Variants in NUMBL observed in about 807,000 individuals in gnomAD.
The protein encoded by NUMBL is NUMB like endocytic adaptor protein, also known as numb-like protein.
Under a neutral mutation model 48.9 loss-of-function variants are expected in NUMBL, and 20 were observed. The ratio of observed to expected loss-of-function variants is 0.41; its 90% CI spans 0.29 to 0.59. The LOEUF is 0.59. NUMBL is among the 20% of genes least tolerant of loss of function. The probability of loss-of-function intolerance (pLI) is 0.31; values close to 1 mark genes in which losing one functional copy is unlikely to be tolerated. For missense variants in NUMBL, 660 were observed against 846.2 expected (o/e 0.78, Z 2.73); for synonymous variants, 340 against 348.7 (o/e 0.98, Z 0.28).
chr19:40,673,528 G>A lies in NUMBL; in HGVS notation c.852C>T (p.Gly284=). 1 of 1,561,262 alleles carries A rather than the reference G, an allele frequency of 6.4e-7. No homozygotes were observed. The highest frequency in any genetic ancestry group is 8.7e-7 in the Non-Finnish European group (1 of 1,152,962). ...KGEAGTPVAA[G]TTAAAIPRRH... The stretch of plus-strand genomic sequence containing the variant: ...GCCGGGGGATGGCGGCCGCAGTGGT[G>A]CCTGCAGCCACAGGGGTGCCTGCCT... The change falls in exon 8 of 10, where the codon GGC becomes GGT. Residue 284 remains glycine (G), a synonymous_variant. Coordinates refer to ENST00000252891, the MANE Select transcript of NUMBL (RefSeq NM_004756.5). The surrounding 1 kb of genome is among the most constrained non-coding windows in gnomAD (Gnocchi z 5.9).
At chr19:40,668,280 C>A in intron 9 of NUMBL, 142 bp from the exon 10 acceptor site, 1 of 1,391,142 alleles carries the variant, frequency 7.2e-7, no homozygotes, top group East Asian at 2.5e-5. Context: ...CTCTGCACCT[C>A]CCGAGCTTGC....
At chr19:40,668,501 C>T (rs189653560) in intron 9 of NUMBL, among the ~76,000 whole-genome samples, 7 of 152,306 alleles carry the variant, frequency 4.6e-5, no homozygotes, top group Non-Finnish European at 7.4e-5. Flanking sequence ...GAGAGTCTCA[C>T]TCTGTTGCCC....
In NUMBL at chr19:40,688,252, T is replaced by C. The variant is rs534913107; in HGVS notation, c.25-1257A>G. Among the ~76,000 whole-genome samples the C allele has an allele frequency of 6.6e-6, 1 of 152,350 alleles. No individual in the cohort carries two copies. Among genetic ancestry groups the C allele is most frequent in the African/African-American group, 2.4e-5 (1 of 41,566 alleles). ...CAGCGAAACATATAGCCTTTCTTCA[T>C]GCAGGCACACAAGTCACACAGACAA... On this transcript the variant is annotated intron_variant, in intron 1 of 9. Transcript: ENST00000252891. The surrounding 1 kb of genome is among the most constrained non-coding windows in gnomAD (Gnocchi z 4.6).
chr19:40,674,141 G>A (rs994728679), intron 7 of NUMBL, among the ~76,000 whole-genome samples: 1 of 152,154 alleles, frequency 6.6e-6, no homozygotes, highest in African/African-American at 2.4e-5. Context: ...CTACTGCTAG[G>A]AAGGGGCAGG....
At chr19:40,685,865 G>A (rs1487078795) in intron 2 of NUMBL, 1 of 153,202 alleles carries the variant, frequency 6.5e-6, no homozygotes, top group East Asian at 1.9e-4. Flanking sequence ...TTAGAGTGTG[G>A]GTGTGTGGGT....
At position 40,666,670 on chromosome 19, in the gene NUMBL, C is replaced by G. The variant is rs1470051944; in HGVS notation, c.*798G>C. 1 of 152,660 alleles carries G rather than the reference C, an allele frequency of 6.6e-6. No individual in the cohort carries two copies. Among genetic ancestry groups the G allele is most frequent in the Non-Finnish European group, 1.5e-5 (1 of 68,060 alleles). The allele number at this position is 152,660 out of a possible 1,614,324, so 9.5% of individuals were successfully genotyped here. On this transcript the variant is annotated 3_prime_UTR_variant, in exon 10 of 10. Transcript: ENST00000252891. ...GCCTCACCAGCGCCCTACACACACC[C>G]TCGTTTCCCGAGGGGCACCATTATA...
In NUMBL at chr19:40,667,133, C is replaced by G; in HGVS notation, c.*335G>C. 3.0e-6 allele frequency: 1 copy of G among 330,840 alleles called. No homozygotes were observed. The highest frequency in any genetic ancestry group is 5.7e-6 in the Non-Finnish European group (1 of 174,468). 20.5% of individuals were successfully genotyped at this position (330,840 alleles called of 1,614,324 possible). A position where few individuals can be genotyped will look rare whatever the true frequency, so the allele number is the denominator to read the frequency against. On this transcript the variant is annotated 3_prime_UTR_variant, in exon 10 of 10. Coordinates refer to ENST00000252891, the MANE Select transcript of NUMBL (RefSeq NM_004756.5). The surrounding 1 kb of genome is among the most constrained non-coding windows in gnomAD (Gnocchi z 6.1). ...CTGTCCAACACTGGAAGGTGGGGGT[C>G]AACAGAAACTGGGAAATGGAGTGTG...
intron 5 of NUMBL, 131 bp from the exon 6 acceptor site, chr19:40,681,188 T>A: frequency 6.4e-6 from 6 of 934,416 alleles, no homozygotes; most frequent in Non-Finnish European, 9.9e-6. Flanking sequence ...AGACACCCTG[T>A]GCCTTGCCTG....
At chr19:40,684,357 C>G in intron 3 of NUMBL, 60 bp downstream of exon 3, 1 of 1,511,756 alleles carries the variant, frequency 6.6e-7, no homozygotes, top group African/African-American at 1.4e-5. Context: ...CGCACCCGCA[C>G]AGCACAGCAC....
Position 40,676,960 on chromosome 19 carries a change from G to A in NUMBL, c.730+272C>T, listed in dbSNP as rs144047766. Among the ~76,000 whole-genome samples the A allele has an allele frequency of 7.9e-3, 1,202 of 152,118 alleles. 13 individuals are homozygous for A. Among genetic ancestry groups the A allele is most frequent in the African/African-American group, 7.8e-3 (323 of 41,556 alleles). The stretch of plus-strand genomic sequence containing the variant: ...CTCCCAAGTAGTTGGGATTACAGGC[G>A]TAGGCCACCATGCCCAGTTAATTTT... On this transcript the variant is annotated intron_variant, in intron 7 of 9. Coordinates refer to ENST00000252891, the MANE Select transcript of NUMBL (RefSeq NM_004756.5).
At position 40,684,068 on chromosome 19, in the gene NUMBL, G is replaced by GTTTTTTT. The variant is rs10684015; in HGVS notation, c.249+342_249+348dup. 1.4e-4 allele frequency: 17 copies of GTTTTTTT among 125,192 alleles called. 1 individual carries two copies. Among genetic ancestry groups the GTTTTTTT allele is most frequent in the Non-Finnish European group, 1.9e-4 (12 of 64,264 alleles). The allele number at this position is 125,192 out of a possible 1,614,324, so 7.8% of individuals were successfully genotyped here. On this transcript the variant is annotated intron_variant, in intron 3 of 9. Transcript: ENST00000252891. The stretch of plus-strand genomic sequence containing the variant: ...GGTGTTAGCCACCACTACGCTTCAA[G>GTTTTTTT]TTTTTTTTTTTTTTTTTTTGAAACA...
Position 40,682,695 on chromosome 19 carries a change from G to A in NUMBL, c.399+33C>T. 6.2e-7 allele frequency: 1 copy of A among 1,605,054 alleles called. No homozygotes were observed. Among genetic ancestry groups the A allele is most frequent in the Non-Finnish European group, 8.5e-7 (1 of 1,173,502 alleles). ...TGATTCCAGCAGGGTGAGCAGACAGGCCCCCTGGCGTCCACCCCCACAGGC... is the reference window on the plus strand; with the variant it reads ...TGATTCCAGCAGGGTGAGCAGACAGACCCCCTGGCGTCCACCCCCACAGGC... On this transcript the variant is annotated intron_variant, in intron 5 of 9. Coordinates refer to ENST00000252891, the MANE Select transcript of NUMBL (RefSeq NM_004756.5). The surrounding 1 kb of genome is among the most constrained non-coding windows in gnomAD (Gnocchi z 4.0).
At chr19:40,674,391 T>C (rs374594394) in intron 7 of NUMBL, among the ~76,000 whole-genome samples, 76 of 152,268 alleles carry the variant, frequency 5.0e-4, no homozygotes, top group African/African-American at 1.7e-3. Context: ...CCCTCCACTC[T>C]GAGACTGTTC....
rs375867164 is a variant in NUMBL, at chr19:40,667,821, C to T, written c.1477G>A (p.Ala493Thr). 199 of 1,587,386 alleles carry T rather than the reference C, an allele frequency of 1.3e-4. No individual in the cohort carries two copies. Among genetic ancestry groups the T allele is most frequent in the Non-Finnish European group, 9.8e-5 (114 of 1,167,384 alleles). Residue 493 changes from alanine to threonine, a missense_variant, in exon 10 of 10, where the codon GCC (alanine) becomes ACC (threonine). Ala to Thr is a moderately conservative substitution (Grantham distance 58, BLOSUM62 0). Around this residue, in one of 3 missense-constraint regions of NUMBL, gnomAD observed 296 missense variants for 339.7 expected, o/e 0.87. Transcript: ENST00000252891. The surrounding 1 kb of genome is among the most constrained non-coding windows in gnomAD (Gnocchi z 6.1). ...GGTGGGTAGCCCAAGCCCGGGTAGG[C>T]GGGCACAAAAGGGGGCTGCATGTGT... ...PPHMQPPFVP[A>T]YPGLGYPPMP...
In NUMBL at chr19:40,684,068, G is replaced by GTTTTT. The variant is rs10684015; in HGVS notation, c.249+344_249+348dup. 1.8e-3 allele frequency: 224 copies of GTTTTT among 125,162 alleles called. 16 individuals are homozygous for GTTTTT. Among genetic ancestry groups the GTTTTT allele is most frequent in the South Asian group, 7.3e-3 (41 of 5,634 alleles). The allele number at this position is 125,162 out of a possible 1,614,324, so 7.8% of individuals were successfully genotyped here. On this transcript the variant is annotated intron_variant, in intron 3 of 9. Transcript: ENST00000252891. ...GGTGTTAGCCACCACTACGCTTCAAGTTTTTTTTTTTTTTTTTTTGAAACA... is the reference window on the plus strand; with the variant it reads ...GGTGTTAGCCACCACTACGCTTCAAGTTTTTTTTTTTTTTTTTTTTTTTTGAAACA...
chr19:40,677,230 A>G lies in NUMBL; in HGVS notation c.730+2T>C. ...TCTGCTGGCGCTTGGGGCAACACCC[A>G]CCTTTCTTCTTGTCCGGGGCCTCTC... On this transcript the variant is annotated splice_donor_variant, in intron 7 of 9. Coordinates refer to ENST00000252891, the MANE Select transcript of NUMBL (RefSeq NM_004756.5). LOFTEE classifies it high-confidence loss of function. The G allele has an allele frequency of 1.3e-6, 2 of 1,554,326 alleles. No homozygotes were observed. The highest frequency in any genetic ancestry group is 1.7e-6 in the Non-Finnish European group (2 of 1,149,638).
chr19:40,670,194 C>T (rs985074131), intron 8 of NUMBL, among the ~76,000 whole-genome samples, 174 bp from the exon 9 acceptor site: 6 of 152,102 alleles, frequency 3.9e-5, no homozygotes, highest in African/African-American at 1.4e-4. Flanking sequence ...CACATCTGAG[C>T]GGCAGAACGA....
chr19:40,667,202 G>A lies in NUMBL; in HGVS notation c.*266C>T, dbSNP rs1266170752. Reference sequence around the variant, plus strand: ...GGATTGTGGCCAACCCCTGTGTCTGGGGTTGGGGAAGGGGGCATTGCCAGC... The same window carrying A: ...GGATTGTGGCCAACCCCTGTGTCTGAGGTTGGGGAAGGGGGCATTGCCAGC... On this transcript the variant is annotated 3_prime_UTR_variant, in exon 10 of 10. Transcript: ENST00000252891. The surrounding 1 kb of genome is among the most constrained non-coding windows in gnomAD (Gnocchi z 6.1). The A allele has an allele frequency of 6.2e-6, 3 of 485,112 alleles. No individual in the cohort carries two copies. The highest frequency in any genetic ancestry group is 1.1e-5 in the Non-Finnish European group (3 of 267,166). 30.1% of individuals were successfully genotyped at this position (485,112 alleles called of 1,614,324 possible). A position where few individuals can be genotyped will look rare whatever the true frequency, so the allele number is the denominator to read the frequency against.
intron 9 of NUMBL, 34 bp downstream of exon 9, chr19:40,669,864 C>T (rs1473203489): frequency 6.2e-7 from 1 of 1,605,220 alleles, no homozygotes; most frequent in Non-Finnish European, 8.5e-7. Context: ...GAGGGACATG[C>T]AGGGTGTCTG....
Sources: allele counts gnomAD v4.1 joint callset (sites outside exome capture counted in the v4.1 genomes callset), GRCh38; gene constraint gnomAD v4.1.1; regional missense constraint gnomAD v4.1.1; non-coding constraint Gnocchi (gnomAD v3.1); transcripts MANE v1.5; gene names NCBI Gene and HGNC (gene_info 2026-07-23, HGNC 2026-07-21).